Variants in DCHS1 observed in about 807,000 individuals in gnomAD.
The protein encoded by DCHS1 is protocadherin-16.
DCHS1 carries 78 observed loss-of-function variants against 213.9 expected under a neutral mutation model. That is an observed-to-expected ratio of 0.36 (90% confidence interval 0.30 to 0.44). The LOEUF is 0.44. Ranked by LOEUF, DCHS1 falls within the 20% of genes least tolerant of loss-of-function variation. The probability of loss-of-function intolerance (pLI) is 1.00; values close to 1 mark genes in which losing one functional copy is unlikely to be tolerated. For missense variants in DCHS1, 3,946 were observed against 4,395.9 expected (o/e 0.90, Z 2.89); for synonymous variants, 1,828 against 1,873.7 (o/e 0.98, Z 0.63).
At position 6,623,575 on chromosome 11, in the gene DCHS1, C is replaced by G. The variant is rs558180114; in HGVS notation, c.8101G>C (p.Asp2701His). 1.9e-6 allele frequency: 3 copies of G among 1,613,632 alleles called. No homozygotes were observed. In the African/African-American group the frequency reaches 4.0e-5, roughly 21 times the overall value. Residue 2701 changes from aspartate to histidine, a missense_variant, in exon 21 of 21, where the codon GAT (aspartate) becomes CAT (histidine). Coordinates refer to ENST00000299441, the MANE Select transcript of DCHS1 (RefSeq NM_003737.4). ...PVTIEVQDVNDHGPAFPLNLL... is the reference protein window; with the variant it reads ...PVTIEVQDVNHHGPAFPLNLL... ...TTCAGTGGGAAGGCTGGGCCATGAT[C>G]ATTCACATCCTGGACCTCAATTGTC... is the stretch of plus-strand genomic sequence containing the variant.
In DCHS1 at chr11:6,628,850, A is replaced by G. The variant is rs747716588; in HGVS notation, c.5162-20T>C. On this transcript the variant is annotated intron_variant, in intron 12 of 20. Transcript: ENST00000299441. The surrounding 1 kb of genome is among the most constrained non-coding windows in gnomAD (Gnocchi z 4.3). ...CATACACTGTGGGGAAGCAAAATCA[A>G]TGAGGTCTAGTCTGCCCTCACCACA... 3.1e-6 allele frequency: 5 copies of G among 1,604,900 alleles called. No individual in the cohort carries two copies. Among genetic ancestry groups the G allele is most frequent in the East Asian group, 2.2e-5 (1 of 44,566 alleles).
Position 6,623,364 on chromosome 11 carries a change from A to G in DCHS1, c.8312T>C (p.Val2771Ala), listed in dbSNP as rs771824096. ...TTCTGTGTGCTCATAGTCAAAGGGC[A>G]CTCGCGCACGCAACTCCCCTGTTGA... ...NSSTGELRAR[V>A]PFDYEHTESF... Residue 2771 changes from valine to alanine, a missense_variant, in exon 21 of 21, where the codon GTG becomes GCG. Physicochemically the swap from Val to Ala is moderately conservative, Grantham distance 64. Around this residue, in one of 3 missense-constraint regions of DCHS1, gnomAD observed 3,384 missense variants for 3,780.1 expected, o/e 0.90. Coordinates refer to ENST00000299441, the MANE Select transcript of DCHS1 (RefSeq NM_003737.4). 3.0e-5 allele frequency: 48 copies of G among 1,597,446 alleles called. No homozygotes were observed. The highest frequency in any genetic ancestry group is 1.9e-4 in the Admixed American group (11 of 57,734).
chr11:6,630,923 G>T, intron 9 of DCHS1, 60 bp from the exon 10 acceptor site: 1 of 1,494,178 alleles, frequency 6.7e-7, no homozygotes, highest in Non-Finnish European at 8.9e-7. Flanking sequence ...GGGGATCTGG[G>T]CTGGCTTCCC....
rs778615533 is a variant in DCHS1, at chr11:6,623,361, G to A, written c.8315C>T (p.Pro2772Leu). ...SSTGELRARV[P>L]FDYEHTESFR... The stretch of plus-strand genomic sequence containing the variant: ...GCTTTCTGTGTGCTCATAGTCAAAG[G>A]GCACTCGCGCACGCAACTCCCCTGT... The change falls in exon 21 of 21, where the codon CCC (proline) becomes CTC (leucine). Residue 2772 changes from proline (P) to leucine (L), a missense_variant. By Grantham distance (98) the Pro-to-Leu change is moderately conservative. Coordinates refer to ENST00000299441, the MANE Select transcript of DCHS1 (RefSeq NM_003737.4). The A allele has an allele frequency of 4.8e-5, 76 of 1,597,470 alleles. No homozygotes were observed. Among genetic ancestry groups the A allele is most frequent in the Middle Eastern group, 1.6e-4 (1 of 6,070 alleles).
chr11:6,640,016 G>T lies in DCHS1; in HGVS notation c.1598C>A (p.Ala533Asp), dbSNP rs1192669301. ...TTCCAACTCATAGTCCAGTGAGGCA[G>T]CCGTAGTGATAATGCCTGAGGTGGG... ...IDPTSGIITT[A>D]ASLDYELEPQ... The change falls in exon 2 of 21, where the codon GCT becomes GAT. Residue 533 changes from alanine to aspartate, a missense_variant. Ala to Asp is a moderately radical substitution (Grantham distance 126, BLOSUM62 -2). This residue lies in a region of DCHS1 where 3,384 missense variants were observed against 3,780.1 expected (regional missense o/e 0.90). Coordinates refer to ENST00000299441, the MANE Select transcript of DCHS1 (RefSeq NM_003737.4). The surrounding 1 kb of genome is among the most constrained non-coding windows in gnomAD (Gnocchi z 6.5). The T allele has an allele frequency of 6.2e-7, 1 of 1,613,956 alleles. No homozygotes were observed. The highest frequency in any genetic ancestry group is 8.5e-7 in the Non-Finnish European group (1 of 1,179,800).
intron 1 of DCHS1, among the ~76,000 whole-genome samples, chr11:6,651,532 T>C (rs1223214914): frequency 2.0e-5 from 3 of 152,144 alleles, no homozygotes; most frequent in African/African-American, 7.2e-5. Context: ...GGGAGTGACA[T>C]AGTTGGATTT....
Position 6,632,361 on chromosome 11 carries a change from T to G in DCHS1, c.3151A>C (p.Ser1051Arg). 6.2e-7 allele frequency: 1 copy of G among 1,613,884 alleles called. No homozygotes were observed. Among genetic ancestry groups the G allele is most frequent in the Non-Finnish European group, 8.5e-7 (1 of 1,179,820 alleles). The stretch of plus-strand genomic sequence containing the variant: ...GCTGCCCGCACCCATAGCCACCCAC[T>G]CTGTGGCTCCAGGCCAAAGGGGCTA... ...ASSPFGLEPQ[S>R]GWLWVRAALD... is the part of the protein sequence containing the mutation. The change falls in exon 6 of 21, where the codon AGT becomes CGT. Residue 1051 changes from serine (S) to arginine (R), a missense_variant. Ser to Arg is a moderately radical substitution (Grantham distance 110, BLOSUM62 -1). This residue lies in a region of DCHS1 where 3,384 missense variants were observed against 3,780.1 expected (regional missense o/e 0.90). Coordinates refer to ENST00000299441, the MANE Select transcript of DCHS1 (RefSeq NM_003737.4). The surrounding 1 kb of genome is among the most constrained non-coding windows in gnomAD (Gnocchi z 5.9).
intron 1 of DCHS1, among the ~76,000 whole-genome samples, chr11:6,651,134 C>A (rs1198396901): frequency 2.6e-5 from 4 of 152,146 alleles, no homozygotes; most frequent in African/African-American, 9.7e-5. Flanking sequence ...AAGGAGGTCC[C>A]AGCGCGGTTT....
In DCHS1 at chr11:6,641,828, G is replaced by GC; in HGVS notation, c.-120-96dup. 9.1e-7 allele frequency: 1 copy of GC among 1,103,368 alleles called. No individual in the cohort carries two copies. The highest frequency in any genetic ancestry group is 1.2e-6 in the Non-Finnish European group (1 of 803,280). The allele number at this position is 1,103,368 out of a possible 1,614,324, so 68.3% of individuals were successfully genotyped here. A position where few individuals can be genotyped will look rare whatever the true frequency, so the allele number is the denominator to read the frequency against. On this transcript the variant is annotated intron_variant, in intron 1 of 20. Coordinates refer to ENST00000299441, the MANE Select transcript of DCHS1 (RefSeq NM_003737.4). This position sits in a 1 kb window ranked among gnomAD's most constrained non-coding sequence, Gnocchi z 7.1. ...CCACATCAACATTCAGATATGCTCA[G>GC]CCCCCAGCAGGCCCTTGTGCTGCCT...
rs531153125 is a variant in DCHS1, at chr11:6,641,403, C to T, written c.211G>A (p.Gly71Ser). Residue 71 changes from glycine (G) to serine (S), a missense_variant, in exon 2 of 21, where the codon GGC becomes AGC. By Grantham distance (56) the Gly-to-Ser change is moderately conservative. Transcript: ENST00000299441. This position sits in a 1 kb window ranked among gnomAD's most constrained non-coding sequence, Gnocchi z 7.1. ...AAGTACATGAGAGGAGCTGCCGTGC[C>T]TGCCGGAAGCCCCGCACTGATGTCG... is the stretch of plus-strand genomic sequence containing the variant. ...IGDISAGLPA[G>S]TAAPLMYFIS... 1 of 1,613,406 alleles carries T rather than the reference C, an allele frequency of 6.2e-7. No homozygotes were observed. Among genetic ancestry groups the T allele is most frequent in the East Asian group, 2.2e-5 (1 of 44,874 alleles).
At chr11:6,642,055 C>T (rs967405341) in intron 1 of DCHS1, among the ~76,000 whole-genome samples, 16 of 152,156 alleles carry the variant, frequency 1.1e-4, no homozygotes, top group African/African-American at 3.9e-4. Flanking sequence ...TTCTTCTCAT[C>T]CAGAACTAAT....
intron 12 of DCHS1, 138 bp downstream of exon 12, chr11:6,629,314 A>T (rs987437443): frequency 7.9e-7 from 1 of 1,262,056 alleles, no homozygotes; most frequent in Non-Finnish European, 1.1e-6. Flanking sequence ...CGACTCCCCA[A>T]AAGGGTCCAA....
intron 1 of DCHS1, among the ~76,000 whole-genome samples, chr11:6,644,827 C>A (rs918206261): frequency 6.6e-6 from 1 of 152,236 alleles, no homozygotes; most frequent in African/African-American, 2.4e-5. Context: ...TGAGGCCCCT[C>A]GGTCAGTCCT....
At position 6,632,711 on chromosome 11, in the gene DCHS1, A is replaced by G. The variant is rs780563697; in HGVS notation, c.2801T>C (p.Leu934Pro). 1.3e-6 allele frequency: 2 copies of G among 1,597,936 alleles called. No homozygotes were observed. Among genetic ancestry groups the G allele is most frequent in the South Asian group, 2.3e-5 (2 of 88,656 alleles). ...GGTGAAGGCTCCACCACCCCCAGCA[A>G]GCAGGGTAAAGGTGACTCGACTGTT... ...GVNSRVTFTLLAGGGGAFTVD... is the reference protein window; with the variant it reads ...GVNSRVTFTLPAGGGGAFTVD... The change falls in exon 6 of 21, where the codon CTT becomes CCT. Residue 934 changes from leucine to proline, a missense_variant. Leu to Pro is a moderately conservative substitution (Grantham distance 98). Coordinates refer to ENST00000299441, the MANE Select transcript of DCHS1 (RefSeq NM_003737.4). This position sits in a 1 kb window ranked among gnomAD's most constrained non-coding sequence, Gnocchi z 5.9.
intron 2 of DCHS1, among the ~76,000 whole-genome samples, chr11:6,637,590 G>A (rs1033820803): frequency 6.6e-6 from 1 of 151,660 alleles, no homozygotes; most frequent in Non-Finnish European, 1.5e-5. Context: ...GAACAAACTG[G>A]GCCCTCCCAC....
chr11:6,625,882 C>T lies in DCHS1; in HGVS notation c.6731+38G>A. On this transcript the variant is annotated intron_variant, in intron 17 of 20. Transcript: ENST00000299441. This position sits in a 1 kb window ranked among gnomAD's most constrained non-coding sequence, Gnocchi z 5.3. The stretch of plus-strand genomic sequence containing the variant: ...AGGCAGGGCTTGAAACTGGACAGGC[C>T]CAAGATGGGGTCTTGGGTCCACAGG... The T allele has an allele frequency of 3.7e-6, 6 of 1,606,458 alleles. No individual in the cohort carries two copies. Among genetic ancestry groups the T allele is most frequent in the Non-Finnish European group, 5.1e-6 (6 of 1,176,590 alleles).
At chr11:6,642,506 A>G (rs1433588833) in intron 1 of DCHS1, among the ~76,000 whole-genome samples, 1 of 152,178 alleles carries the variant, frequency 6.6e-6, no homozygotes, top group African/African-American at 2.4e-5. Context: ...ACTAGGTGCT[A>G]GCTAGGCAAT....
At position 6,630,719 on chromosome 11, in the gene DCHS1, G is replaced by T; in HGVS notation, c.4075C>A (p.Pro1359Thr). The change falls in exon 10 of 21, where the codon CCC becomes ACC. Residue 1359 changes from proline to threonine, a missense_variant. Transcript: ENST00000299441. ...TAGGTGAGTGCACCCACACCCGCGG[G>T]CTCTGGCGCTGCCACCGAGCCCAAC... Reference protein sequence around the residue: ...SLLGSVAAPEPAGVGALTYTL... With the variant: ...SLLGSVAAPETAGVGALTYTL... 1 of 1,543,970 alleles carries T rather than the reference G, an allele frequency of 6.5e-7. No homozygotes were observed.
At position 6,630,244 on chromosome 11, in the gene DCHS1, T is replaced by A; in HGVS notation, c.4550A>T (p.Asp1517Val). ...ACGGCGGCTGGCGTTGGCGGGCCGG[T>A]CGGTGGCTTCCACCAGCAGCAGCAG... Reference protein sequence around the residue: ...PALLLLVEATDRPANASRRRA... With the variant: ...PALLLLVEATVRPANASRRRA... Residue 1517 changes from aspartate (D) to valine (V), a missense_variant, in exon 10 of 21, where the codon GAC becomes GTC. Physicochemically the swap from Asp to Val is radical, Grantham distance 152. Transcript: ENST00000299441. 6.5e-7 allele frequency: 1 copy of A among 1,547,444 alleles called. No individual in the cohort carries two copies. Among genetic ancestry groups the A allele is most frequent in the East Asian group, 2.4e-5 (1 of 40,976 alleles).
Sources: gnomAD v4.1 joint callset for allele counts (sites outside exome capture counted in the v4.1 genomes callset) on GRCh38, gnomAD v4.1.1 for gene constraint, gnomAD v4.1.1 regional missense constraint, Gnocchi (gnomAD v3.1) non-coding constraint, MANE v1.5 for transcripts, NCBI Gene and HGNC (gene_info 2026-07-23, HGNC 2026-07-21) for gene names.